Variants in TENM1 observed in about 807,000 individuals in gnomAD.
TENM1 encodes teneurin transmembrane protein 1.
TENM1 carries 35 observed loss-of-function variants against 174.8 expected under a neutral mutation model. That is an observed-to-expected ratio of 0.20 (90% CI 0.15 to 0.27). The LOEUF is 0.27. TENM1 is among the 10% of genes least tolerant of loss of function. The pLI is 1.00. For synonymous variants in TENM1, 781 were observed against 798.7 expected (o/e 0.98, Z 0.37); for missense variants, 1,633 against 2,130.1 (o/e 0.77, Z 4.59).
the TENM1 span, among the ~76,000 whole-genome samples, chrX:125,140,564 T>C: frequency 1.8e-5 from 2 of 111,777 alleles, no homozygotes; most frequent in East Asian, 5.6e-4. Context: ...CTAACAACAA[T>C]GTATTATATA....
the TENM1 span, among the ~76,000 whole-genome samples, chrX:124,979,881 A>G: frequency 8.9e-6 from 1 of 112,057 alleles, no homozygotes; most frequent in South Asian, 3.7e-4. Flanking sequence ...TCAACAAAGA[A>G]ATGAAAATAC....
At position 124,614,755 on chromosome X, in the gene TENM1, T is replaced by C. The variant is rs572803348; in HGVS notation, c.2077+27036A>G. Among the ~76,000 whole-genome samples the C allele has an allele frequency of 6.2e-5, 7 of 112,224 alleles. 1 individual carries two copies. The highest frequency in any genetic ancestry group is 1.9e-4 in the African/African-American group (6 of 30,911). ...AAAATTAGCTGGGCGTGGTGGTGCA[T>C]GTCTGTAGTCCCAGCTACTCGGGAG... On this transcript the variant is annotated intron_variant, in intron 11 of 31. Coordinates refer to ENST00000422452, the Ensembl canonical transcript of TENM1.
intron 11 of TENM1, among the ~76,000 whole-genome samples, chrX:124,605,430 TCAAGGGGG>T (rs1165884491): frequency 6.4e-5 from 7 of 108,831 alleles, no homozygotes; most frequent in African/African-American, 2.0e-4. Flanking sequence ...GTATATGGAG[TCAAGGGGG>T]CAAGAGAATT....
the TENM1 span, among the ~76,000 whole-genome samples, chrX:125,040,571 C>T: frequency 9.0e-6 from 1 of 111,233 alleles, no homozygotes; most frequent in African/African-American, 3.3e-5. Context: ...TTCAAAAACC[C>T]ATTCAAATGC....
intron 23 of TENM1, among the ~76,000 whole-genome samples, chrX:124,443,949 T>A (rs2060938312): frequency 8.9e-6 from 1 of 112,375 alleles, no homozygotes; most frequent in Non-Finnish European, 1.9e-5. Flanking sequence ...CTCACCCTCA[T>A]TACACATGAT....
At chrX:124,638,761 A>C (rs766370331) in intron 11 of TENM1, among the ~76,000 whole-genome samples, 1 of 111,605 alleles carries the variant, frequency 9.0e-6, no homozygotes, top group African/African-American at 3.3e-5. Context: ...GATGCCTACA[A>C]CACAGCATGT....
the TENM1 span, among the ~76,000 whole-genome samples, chrX:125,155,571 G>C: frequency 9.0e-6 from 1 of 111,401 alleles, no homozygotes; most frequent in African/African-American, 3.3e-5. Flanking sequence ...GGAGGCGGGC[G>C]GGGGGAGGGA....
chrX:124,530,151 C>T (rs1280446531), intron 15 of TENM1, among the ~76,000 whole-genome samples, 168 bp from the exon 19 acceptor site: 1 of 109,532 alleles, frequency 9.1e-6, no homozygotes, highest in African/African-American at 3.3e-5. Flanking sequence ...TTTTTTTCCC[C>T]ATCAAAATTA....
intron 5 of TENM1, among the ~76,000 whole-genome samples, chrX:124,680,056 G>GA (rs199534628): frequency 5.8e-4 from 64 of 110,248 alleles, no homozygotes; most frequent in African/African-American, 2.0e-3. Context: ...CTAATTAAAA[G>GA]AAAAAAAACA....
intron 3 of TENM1, among the ~76,000 whole-genome samples, chrX:124,879,006 A>G (rs1376302870): frequency 8.9e-6 from 1 of 112,172 alleles, no homozygotes; most frequent in Non-Finnish European, 1.9e-5. Flanking sequence ...TTGAGAAATA[A>G]AATTTTCATA....
At chrX:124,517,822 T>A (rs932740751) in intron 18 of TENM1, among the ~76,000 whole-genome samples, 1 of 52,355 alleles carries the variant, frequency 1.9e-5, no homozygotes, top group Non-Finnish European at 3.4e-5. Context: ...TAAAAATAAA[T>A]AAATAAATAA....
At chrX:124,842,614 G>A (rs896985590) in intron 3 of TENM1, among the ~76,000 whole-genome samples, 2 of 110,947 alleles carry the variant, frequency 1.8e-5, no homozygotes, top group Non-Finnish European at 3.8e-5. Context: ...CTGGCATGCA[G>A]ATAGCCACCT....
intron 14 of TENM1, among the ~76,000 whole-genome samples, chrX:124,550,310 T>C (rs5958520): frequency 0.036 from 4,059 of 111,942 alleles, 170 homozygotes; most frequent in African/African-American, 0.12. Context: ...ATCCTGAAAA[T>C]GAATTTACAA....
the TENM1 span, among the ~76,000 whole-genome samples, chrX:125,164,763 G>A: frequency 9.0e-6 from 1 of 111,627 alleles, no homozygotes; most frequent in South Asian, 3.8e-4. Flanking sequence ...TTTCCTCTGT[G>A]TCTTTAATTC....
chrX:124,765,675 C>T (rs752290613), intron 3 of TENM1, among the ~76,000 whole-genome samples: 2 of 112,136 alleles, frequency 1.8e-5, no homozygotes, highest in Non-Finnish European at 3.8e-5. Context: ...CACGTCTTTG[C>T]CAAAGGCTAA....
chrX:125,123,138 T>C, the TENM1 span, among the ~76,000 whole-genome samples: 5 of 111,951 alleles, frequency 4.5e-5, no homozygotes, highest in East Asian at 1.4e-3. Flanking sequence ...ACATACTTAA[T>C]TTAAGCCCTC....
chrX:125,043,059 C>T, the TENM1 span, among the ~76,000 whole-genome samples: 1 of 109,825 alleles, frequency 9.1e-6, no homozygotes, highest in Non-Finnish European at 1.9e-5. Flanking sequence ...ACCATAAAAA[C>T]CCTAGAAGAA....
intron 1 of TENM1, among the ~76,000 whole-genome samples, chrX:124,909,155 A>C (rs1340121685): frequency 1.8e-5 from 2 of 112,313 alleles, no homozygotes; most frequent in East Asian, 5.6e-4. Flanking sequence ...CACTGTGCCC[A>C]GCTTATTAGT....
chrX:124,668,460 C>T (rs1443986544), intron 6 of TENM1, among the ~76,000 whole-genome samples: 1 of 112,002 alleles, frequency 8.9e-6, no homozygotes, highest in Non-Finnish European at 1.9e-5. Context: ...AAATGTCCAT[C>T]AATGATAGAC....
Sources: allele counts gnomAD v4.1 joint callset (sites outside exome capture counted in the v4.1 genomes callset), GRCh38; gene constraint gnomAD v4.1.1; transcripts MANE v1.5; gene names NCBI Gene and HGNC (gene_info 2026-07-23, HGNC 2026-07-21).